AGPAT5: variants seen among roughly 807,000 people sequenced by gnomAD.
AGPAT5 encodes 1-acylglycerol-3-phosphate O-acyltransferase 5.
AGPAT5 carries 46 observed loss-of-function variants against 45.6 expected under a neutral mutation model. The observed-to-expected ratio is 1.01, with a 90% CI of 0.80 to 1.29. The LOEUF (loss-of-function observed/expected upper bound fraction) is 1.29. AGPAT5 is among the 50% of genes most tolerant of loss of function. The pLI, the probability that AGPAT5 is intolerant of heterozygous loss-of-function variation, is 0.00. For missense variants in AGPAT5, 673 were observed against 450.7 expected (o/e 1.49, Z -4.47); for synonymous variants, 272 against 167.0 (o/e 1.63, Z -4.85).
At chr8:6,718,087 G>C (rs979427859) in intron 1 of AGPAT5, among the ~76,000 whole-genome samples, 1 of 152,184 alleles carries the variant, frequency 6.6e-6, no homozygotes, top group African/African-American at 2.4e-5. Flanking sequence ...GATAATACGT[G>C]AAACTGCCTA....
At chr8:6,717,500 T>C (rs1800369811) in intron 1 of AGPAT5, among the ~76,000 whole-genome samples, 1 of 152,186 alleles carries the variant, frequency 6.6e-6, no homozygotes, top group South Asian at 2.1e-4. Flanking sequence ...TACCGTAAAG[T>C]AACACATAAT....
At position 6,728,886 on chromosome 8, in the gene AGPAT5, G is replaced by C. The variant is rs180783473; in HGVS notation, c.290-1825G>C. Among the ~76,000 whole-genome samples, 542 of 152,244 alleles carry C rather than the reference G, an allele frequency of 3.6e-3. 5 individuals carry two copies. Among genetic ancestry groups the C allele is most frequent in the Non-Finnish European group, 2.6e-3 (176 of 68,010 alleles). On this transcript the variant is annotated intron_variant, in intron 2 of 7. Coordinates refer to ENST00000285518, the MANE Select transcript of AGPAT5 (RefSeq NM_018361.5). ...TCTAAATTAGAAGGGGCTAGGGAGA[G>C]GGCTTCAACAGGAATTTATATACTT...
intron 1 of AGPAT5, 72 bp downstream of exon 1, chr8:6,708,959 C>A (rs774992583): frequency 1.0e-5 from 15 of 1,451,260 alleles, no homozygotes; most frequent in African/African-American, 2.8e-5. Context: ...TCCGCTCCCC[C>A]ACAGCTGGCG....
chr8:6,760,457 C>T lies in AGPAT5; in HGVS notation c.*3069C>T, dbSNP rs1266211295. On this transcript the variant is annotated 3_prime_UTR_variant, in exon 8 of 8. Coordinates refer to ENST00000285518, the MANE Select transcript of AGPAT5 (RefSeq NM_018361.5). Reference sequence around the variant, plus strand: ...TTTGCTTATTATAGACACACAGTAACTCCCAGATATGTACCACAAAAAATG... The same window carrying T: ...TTTGCTTATTATAGACACACAGTAATTCCCAGATATGTACCACAAAAAATG... Among the ~76,000 whole-genome samples the T allele has an allele frequency of 6.6e-6, 1 of 152,016 alleles. No individual in the cohort carries two copies. The highest frequency in any genetic ancestry group is 1.9e-4 in the East Asian group (1 of 5,196).
In AGPAT5 at chr8:6,741,246, C is replaced by T. The variant is rs990059054; in HGVS notation, c.496-415C>T. Among the ~76,000 whole-genome samples the T allele has an allele frequency of 2.0e-5, 3 of 152,012 alleles. No homozygotes were observed. In the South Asian group the frequency reaches 6.2e-4, roughly 31 times the overall value. On this transcript the variant is annotated intron_variant, in intron 4 of 7. Coordinates refer to ENST00000285518, the MANE Select transcript of AGPAT5 (RefSeq NM_018361.5). Reference sequence around the variant, plus strand: ...TATATGATTTTCATCAAATGAGGTACTTTTTAGTGTTGGTACTTAACGATA... The same window carrying T: ...TATATGATTTTCATCAAATGAGGTATTTTTTAGTGTTGGTACTTAACGATA...
intron 4 of AGPAT5, among the ~76,000 whole-genome samples, chr8:6,734,752 T>C (rs1469642149): frequency 4.6e-5 from 7 of 152,040 alleles, no homozygotes; most frequent in Non-Finnish European, 8.8e-5. Flanking sequence ...GACTTGTCTT[T>C]CTGCTTGGCC....
At chr8:6,712,469 T>G (rs1563279862) in intron 1 of AGPAT5, among the ~76,000 whole-genome samples, 1 of 152,156 alleles carries the variant, frequency 6.6e-6, no homozygotes, top group African/African-American at 2.4e-5. Flanking sequence ...GTGAATATAC[T>G]GGTGTTTGGT....
intron 4 of AGPAT5, among the ~76,000 whole-genome samples, chr8:6,734,970 G>A (rs563608842): frequency 6.6e-6 from 1 of 152,118 alleles, no homozygotes; most frequent in African/African-American, 2.4e-5. Flanking sequence ...TCTTCTTTAT[G>A]CCTTTCCCCA....
At chr8:6,734,656 A>G (rs147452009) in intron 4 of AGPAT5, among the ~76,000 whole-genome samples, 8 of 152,200 alleles carry the variant, frequency 5.3e-5, no homozygotes, top group Non-Finnish European at 1.2e-4. Context: ...CCTTTGTCAT[A>G]CTTCCTAAGA....
intron 2 of AGPAT5, among the ~76,000 whole-genome samples, chr8:6,730,441 C>A (rs534431347): frequency 0.03 from 1,369 of 45,920 alleles, 504 homozygotes; most frequent in Non-Finnish European, 0.037. Flanking sequence ...CGCCATTCTC[C>A]TGCCTCAGCC....
rs1367925013 is a variant in AGPAT5 at position 6,730,348 on chromosome 8, TG to T, written c.290-361del. ...TTTTTTTTTTTTTTTTTTTTTTTTT[TG>T]GAGACGGAGTCTCGCTGTCGCCCAG... is the stretch of plus-strand genomic sequence containing the variant. On this transcript the variant is annotated intron_variant, in intron 2 of 7. Coordinates refer to ENST00000285518, the MANE Select transcript of AGPAT5 (RefSeq NM_018361.5). 7.2e-3 allele frequency among the ~76,000 whole-genome samples: 73 copies of T among 10,208 alleles called. 36 individuals are homozygous for T. The highest frequency in any genetic ancestry group is 0.01 in the African/African-American group (2 of 198). The allele number at this position is 10,208 out of a possible 152,430, so 6.7% of individuals were successfully genotyped here. A position where few individuals can be genotyped will look rare whatever the true frequency, so the allele number is the denominator to read the frequency against.
At chr8:6,748,622 A>T (rs1801557075) in intron 6 of AGPAT5, among the ~76,000 whole-genome samples, 1 of 152,188 alleles carries the variant, frequency 6.6e-6, no homozygotes, top group Non-Finnish European at 1.5e-5. Context: ...CTCCTGCCTC[A>T]GCCTCCTGAG....
chr8:6,743,590 C>T (rs144475041), intron 5 of AGPAT5, among the ~76,000 whole-genome samples: 2 of 152,286 alleles, frequency 1.3e-5, no homozygotes, highest in East Asian at 1.9e-4. Flanking sequence ...CAGATGGGGT[C>T]CTGCAGAAGT....
chr8:6,756,178 G>A (rs1801826328), intron 7 of AGPAT5, among the ~76,000 whole-genome samples: 1 of 152,058 alleles, frequency 6.6e-6, no homozygotes, highest in Non-Finnish European at 1.5e-5. Flanking sequence ...ATGTAATATG[G>A]GAAAATGAGT....
chr8:6,727,822 G>A (rs962090531), intron 2 of AGPAT5, among the ~76,000 whole-genome samples: 4 of 152,170 alleles, frequency 2.6e-5, no homozygotes, highest in Admixed American at 6.5e-5. Context: ...GTTCCTGTTC[G>A]GCATTGCAGA....
At chr8:6,719,124 G>C (rs1011341421) in intron 1 of AGPAT5, among the ~76,000 whole-genome samples, 1 of 152,208 alleles carries the variant, frequency 6.6e-6, no homozygotes, top group Non-Finnish European at 1.5e-5. Context: ...AGATTATCAG[G>C]ATTTAATATG....
rs1801966414 is a variant in AGPAT5, at chr8:6,759,687, T to G, written c.*2299T>G. 6.6e-6 allele frequency: 1 copy of G among 152,208 alleles called. No homozygotes were observed. Among genetic ancestry groups the G allele is most frequent in the African/African-American group, 2.4e-5 (1 of 41,446 alleles). 9.4% of individuals were successfully genotyped at this position (152,208 alleles called of 1,614,324 possible). A position where few individuals can be genotyped will look rare whatever the true frequency, so the allele number is the denominator to read the frequency against. ...CTAATGGCTGTGCTGTTTAACATTT[T>G]TTGACCCTAAAATTCACCAACAGTC... is the stretch of plus-strand genomic sequence containing the variant. On this transcript the variant is annotated 3_prime_UTR_variant, in exon 8 of 8. Transcript: ENST00000285518.
At chr8:6,741,827 A>T (rs907864303) in intron 5 of AGPAT5, 76 bp downstream of exon 5, 1 of 1,195,740 alleles carries the variant, frequency 8.4e-7, no homozygotes, top group Non-Finnish European at 1.2e-6. Context: ...CCTGGAAAAG[A>T]TACTTTTGTT....
At chr8:6,719,980 T>C (rs1800448895) in intron 1 of AGPAT5, among the ~76,000 whole-genome samples, 3 of 152,212 alleles carry the variant, frequency 2.0e-5, no homozygotes, top group Admixed American at 2.0e-4. Context: ...TATTGATCAG[T>C]GGTTGGGACT....
Sources: allele counts gnomAD v4.1 joint callset (sites outside exome capture counted in the v4.1 genomes callset), GRCh38; gene constraint gnomAD v4.1.1; transcripts MANE v1.5; gene names NCBI Gene and HGNC (gene_info 2026-07-23, HGNC 2026-07-21).